Variants in AP3S2 observed in about 807,000 individuals in gnomAD.
AP3S2 encodes adaptor related protein complex 3 subunit sigma 2.
AP3S2 carries 22 observed loss-of-function variants against 23.4 expected under a neutral mutation model. The observed-to-expected ratio is 0.94, with a 90% CI of 0.67 to 1.34. The LOEUF (loss-of-function observed/expected upper bound fraction) is 1.34, where lower values mean the gene tolerates loss of function less well. AP3S2 is among the 40% of genes most tolerant of loss of function. The pLI is 0.00. For synonymous variants in AP3S2, 86 were observed against 87.1 expected, an observed-to-expected ratio of 0.99 and a Z score of 0.07; for missense variants, 241 against 236.9, an observed-to-expected ratio of 1.02 and a Z score of -0.11.
intron 4 of AP3S2, among the ~76,000 whole-genome samples, chr15:89,844,542 T>C (rs922813815): frequency 1.3e-5 from 2 of 151,392 alleles, no homozygotes; most frequent in African/African-American, 4.9e-5. Context: ...AGAGATGAGG[T>C]CTTGCTATAT....
At chr15:89,870,370 G>A (rs771662817) in intron 4 of AP3S2, among the ~76,000 whole-genome samples, 2 of 152,172 alleles carry the variant, frequency 1.3e-5, no homozygotes, top group African/African-American at 2.4e-5. Context: ...CCGTGAGGTT[G>A]TCAGGGAGTC....
intron 3 of AP3S2, among the ~76,000 whole-genome samples, chr15:89,887,886 G>T (rs930657892): frequency 1.3e-5 from 2 of 152,142 alleles, no homozygotes; most frequent in African/African-American, 2.4e-5. Flanking sequence ...GGCCAGGTTG[G>T]TCTCAAAATC....
intron 4 of AP3S2, among the ~76,000 whole-genome samples, chr15:89,858,489 AAGAAAGAG>A (rs762684287): frequency 1.8e-3 from 75 of 41,826 alleles, no homozygotes; most frequent in Middle Eastern, 0.01. Flanking sequence ...GAAAGAAAGA[AAGAAAGAG>A]AGAGAGAGAG....
chr15:89,890,711 C>A (rs999588054), intron 1 of AP3S2, among the ~76,000 whole-genome samples: 1 of 152,128 alleles, frequency 6.6e-6, no homozygotes, highest in Non-Finnish European at 1.5e-5. Flanking sequence ...TGGACTTGCC[C>A]CAAGAGTTAG....
chr15:89,837,544 C>A, intron 5 of AP3S2, 71 bp downstream of exon 5: 1 of 1,574,182 alleles, frequency 6.4e-7, no homozygotes, highest in Non-Finnish European at 8.7e-7. Flanking sequence ...CAAACCAACA[C>A]ATGTACACAC....
chr15:89,876,592 G>A (rs1302927712), intron 3 of AP3S2: 1 of 152,430 alleles, frequency 6.6e-6, no homozygotes, highest in African/African-American at 2.4e-5. Context: ...AGAGAAAGAA[G>A]AGCATTGAGA....
chr15:89,874,039 C>A (rs1896383480), intron 3 of AP3S2, among the ~76,000 whole-genome samples: 1 of 151,212 alleles, frequency 6.6e-6, no homozygotes, highest in Non-Finnish European at 1.5e-5. Context: ...TGCCACCATG[C>A]CTGGCTAAAA....
intron 4 of AP3S2, among the ~76,000 whole-genome samples, chr15:89,853,638 G>T (rs941998782): frequency 7.2e-6 from 1 of 139,460 alleles, no homozygotes; most frequent in Non-Finnish European, 1.5e-5. Flanking sequence ...GTCTCCGCCC[G>T]GCCGCCATCC....
In AP3S2 at chr15:89,889,160, G is replaced by A; in HGVS notation, c.70-20C>T. 6.2e-7 allele frequency: 1 copy of A among 1,613,970 alleles called. No individual in the cohort carries two copies. The highest frequency in any genetic ancestry group is 8.5e-7 in the Non-Finnish European group (1 of 1,179,918). ...TTCTGGCTATGAAACAAAAAGATAA[G>A]TGAATCAGTGGGCAAGCCTGAAAAA... On this transcript the variant is annotated intron_variant, in intron 1 of 5. Transcript: ENST00000336418.
At chr15:89,849,188 G>T (rs535731912) in intron 4 of AP3S2, among the ~76,000 whole-genome samples, 2 of 152,058 alleles carry the variant, frequency 1.3e-5, no homozygotes, top group South Asian at 4.2e-4. Context: ...TTCTAGCTAG[G>T]GAGACAAAAC....
intron 3 of AP3S2, among the ~76,000 whole-genome samples, chr15:89,873,876 C>CTTTTTTTT (rs3055916): frequency 5.2e-5 from 4 of 76,848 alleles, no homozygotes; most frequent in Non-Finnish European, 7.0e-5. Flanking sequence ...TTCTCTGTGG[C>CTTTTTTTT]TTTTTTTTTT....
chr15:89,866,861 C>G (rs1896136237), intron 4 of AP3S2, among the ~76,000 whole-genome samples: 1 of 152,170 alleles, frequency 6.6e-6, no homozygotes, highest in South Asian at 2.1e-4. Flanking sequence ...GCTACTCTCA[C>G]AGGTGCCTGA....
intron 4 of AP3S2, among the ~76,000 whole-genome samples, chr15:89,849,614 A>C (rs551930342): frequency 6.6e-6 from 1 of 151,976 alleles, no homozygotes; most frequent in Non-Finnish European, 1.5e-5. Flanking sequence ...TGATCTGCCC[A>C]CCTTGGCCTC....
At position 89,871,594 on chromosome 15, in the gene AP3S2, C is replaced by T. The variant is rs768831590; in HGVS notation, c.274-48G>A. On this transcript the variant is annotated intron_variant, in intron 3 of 5. Transcript: ENST00000336418. ...TAAAGAAGAGAAATAGGAACACATT[C>T]ACAGCTTTATCAATGTCACATCTGA... 5 of 1,588,910 alleles carry T rather than the reference C, an allele frequency of 3.1e-6. No homozygotes were observed. The South Asian group carries it at 5.6e-5, about 18-fold the overall frequency.
chr15:89,856,696 C>A (rs1375123877), intron 4 of AP3S2, among the ~76,000 whole-genome samples: 1 of 112,718 alleles, frequency 8.9e-6, no homozygotes. Context: ...AGTGAGACTC[C>A]ATCTCAAAAA....
intron 1 of AP3S2, among the ~76,000 whole-genome samples, chr15:89,890,799 C>T (rs1202086699): frequency 2.6e-5 from 4 of 152,068 alleles, no homozygotes; most frequent in Non-Finnish European, 5.9e-5. Context: ...TTAAAAGAAA[C>T]AGAGAGGGGA....
chr15:89,886,802 T>G (rs1896711539), intron 3 of AP3S2, among the ~76,000 whole-genome samples: 1 of 152,190 alleles, frequency 6.6e-6, no homozygotes, highest in South Asian at 2.1e-4. Context: ...TTGAGCTTTT[T>G]TTCTTTTTTT....
At chr15:89,846,867 C>T (rs938652518) in intron 4 of AP3S2, among the ~76,000 whole-genome samples, 1 of 152,046 alleles carries the variant, frequency 6.6e-6, no homozygotes, top group Non-Finnish European at 1.5e-5. Flanking sequence ...AATGGGGTCT[C>T]ACCATGTTGG....
chr15:89,883,822 A>C (rs1483656145), intron 3 of AP3S2: 1 of 152,228 alleles, frequency 6.6e-6, no homozygotes, highest in African/African-American at 2.4e-5. Flanking sequence ...AAGGGGAAGA[A>C]GGATATTTTT....
Sources: gnomAD v4.1 joint callset for allele counts (sites outside exome capture counted in the v4.1 genomes callset) on GRCh38, gnomAD v4.1.1 for gene constraint, MANE v1.5 for transcripts, NCBI Gene and HGNC (gene_info 2026-07-23, HGNC 2026-07-21) for gene names.